Variants in TMEM232 observed in about 807,000 individuals in gnomAD.
TMEM232 encodes the protein transmembrane protein 232.
A neutral mutation model predicts 78.8 loss-of-function variants in TMEM232; 80 were observed. The observed-to-expected ratio is 1.01, with a 90% confidence interval of 0.85 to 1.22. The LOEUF (loss-of-function observed/expected upper bound fraction) is 1.22. Ranked by LOEUF, TMEM232 falls within the 50% of genes most tolerant of loss-of-function variation. The probability of loss-of-function intolerance (pLI) is 0.00; values close to 1 mark genes in which losing one functional copy is unlikely to be tolerated. For missense variants in TMEM232, 881 were observed against 742.2 expected (o/e 1.19, Z -2.17); for synonymous variants, 297 against 254.3 (o/e 1.17, Z -1.60).
chr5:110,620,201 T>A (rs1783454254), intron 7 of TMEM232, among the ~76,000 whole-genome samples: 1 of 152,142 alleles, frequency 6.6e-6, no homozygotes. Flanking sequence ...ATAAAAAGCA[T>A]CCTCTCATGT....
intron 8 of TMEM232, among the ~76,000 whole-genome samples, chr5:110,607,290 G>A (rs1176212258): frequency 6.6e-6 from 1 of 151,902 alleles, no homozygotes. Flanking sequence ...ACTTGTCCAA[G>A]TTCCCTTTTT....
At chr5:110,605,083 A>C in intron 10 of TMEM232, 26 bp downstream of exon 10, 1 of 1,505,430 alleles carries the variant, frequency 6.6e-7, no homozygotes, top group South Asian at 1.3e-5. Context: ...AATATTACTC[A>C]TCAAAGTAAA....
intron 5 of TMEM232, among the ~76,000 whole-genome samples, chr5:110,628,734 T>TCATGTAATGATATA (rs917102389): frequency 7.9e-5 from 12 of 151,246 alleles, no homozygotes. Context: ...ATGCAGGGTA[T>TCATGTAATGATATA]CATGTAATGA....
At chr5:110,700,346 A>T (rs556769943) in intron 1 of TMEM232, among the ~76,000 whole-genome samples, 1 of 152,180 alleles carries the variant, frequency 6.6e-6, no homozygotes, top group African/African-American at 2.4e-5. Context: ...TTGGATGAGC[A>T]ATTGGCCAAT....
chr5:110,528,620 A>T lies in TMEM232; in HGVS notation c.1671T>A (p.Ser557=). The part of the protein sequence containing the change: ...QTKYPNKKLE[S]VKKQVLHFTV... ...TGAAATGTAGAACTTGCTTTTTCAC[A>T]GACTCCAGCTTTTTATTTGGATATT... Residue 557 remains serine, a synonymous_variant, in exon 12 of 14, where the codon TCT becomes TCA. Transcript: ENST00000455884. 1.3e-6 allele frequency: 2 copies of T among 1,531,282 alleles called. No individual in the cohort carries two copies. The highest frequency in any genetic ancestry group is 1.7e-6 in the Non-Finnish European group (2 of 1,144,516). The allele number at this position is 1,531,282 out of a possible 1,614,324, so 94.9% of individuals were successfully genotyped here.
At chr5:110,399,856 C>T (rs1755529172) in intron 2 of TMEM232, among the ~76,000 whole-genome samples, 1 of 152,096 alleles carries the variant, frequency 6.6e-6, no homozygotes. Flanking sequence ...ATTCTAAAGC[C>T]ACTACTGAAT....
rs1764214407 is a variant in TMEM232 at position 110,484,170 on chromosome 5, G to A, written c.1703+44418C>T. On this transcript the variant is annotated intron_variant, in intron 12 of 13. Transcript: ENST00000455884. ...ATACTGGAGATTACTGGGGGGAAGG[G>A]GACTGAGTGTTGAAAAACTAATGAT... is the stretch of plus-strand genomic sequence containing the variant. 2.0e-5 allele frequency among the ~76,000 whole-genome samples: 3 copies of A among 152,048 alleles called. No individual in the cohort carries two copies. The South Asian group carries it at 6.2e-4, about 32-fold the overall frequency.
intron 12 of TMEM232, among the ~76,000 whole-genome samples, chr5:110,431,649 T>G (rs557333297): frequency 6.6e-6 from 1 of 151,760 alleles, no homozygotes; most frequent in South Asian, 2.1e-4. Flanking sequence ...TTTAAATAAA[T>G]AGCCAGGTGA....
intron 1 of TMEM232, among the ~76,000 whole-genome samples, chr5:110,707,263 C>G (rs1796014625): frequency 6.6e-6 from 1 of 152,146 alleles, no homozygotes; most frequent in South Asian, 2.1e-4. Flanking sequence ...GTCAGAGAGA[C>G]AGTCATGAAT....
At chr5:110,707,681 C>T (rs1796069531) in intron 1 of TMEM232, among the ~76,000 whole-genome samples, 2 of 152,196 alleles carry the variant, frequency 1.3e-5, no homozygotes, top group African/African-American at 2.4e-5. Context: ...ACAACCAGGG[C>T]AGCTAAAAGG....
chr5:110,656,570 T>C (rs2150082898), intron 2 of TMEM232, among the ~76,000 whole-genome samples: 1 of 152,318 alleles, frequency 6.6e-6, no homozygotes, highest in East Asian at 1.9e-4. Flanking sequence ...CCAGGCACAG[T>C]GGCTCACGCC....
At chr5:110,708,921 TA>T (rs1411530537) in intron 1 of TMEM232, among the ~76,000 whole-genome samples, 2 of 150,282 alleles carry the variant, frequency 1.3e-5, no homozygotes, top group South Asian at 2.1e-4. Flanking sequence ...AACTCTTCAA[TA>T]AAAAAAAATA....
chr5:110,691,083 G>A (rs989829768), intron 1 of TMEM232, among the ~76,000 whole-genome samples: 9 of 149,060 alleles, frequency 6.0e-5, no homozygotes, highest in Admixed American at 3.4e-4. Context: ...ACCATGACAC[G>A]TGCATACCTA....
chr5:110,515,533 A>C (rs72788442), intron 12 of TMEM232, among the ~76,000 whole-genome samples: 22,454 of 152,132 alleles, frequency 0.15, 2,040 homozygotes, highest in African/African-American at 0.25. Flanking sequence ...GTCAGGCACT[A>C]TCCCTTTGAA....
At chr5:110,581,190 A>C (rs1489531555) in intron 10 of TMEM232, among the ~76,000 whole-genome samples, 2 of 152,060 alleles carry the variant, frequency 1.3e-5, no homozygotes, top group East Asian at 3.9e-4. Context: ...TGAAATTGAA[A>C]AATAGCCCAA....
At chr5:110,604,570 G>T (rs1054823391) in intron 10 of TMEM232, among the ~76,000 whole-genome samples, 4 of 152,048 alleles carry the variant, frequency 2.6e-5, no homozygotes, top group Admixed American at 2.6e-4. Flanking sequence ...CACCACCCAG[G>T]TTTGCCTAAA....
At chr5:110,491,289 T>C (rs779632205) in intron 12 of TMEM232, among the ~76,000 whole-genome samples, 74 of 152,216 alleles carry the variant, frequency 4.9e-4, no homozygotes, top group Non-Finnish European at 3.8e-4. Context: ...CACATTCTTT[T>C]TGGTAGCTTT....
At chr5:110,609,802 G>A (rs1326744126) in intron 8 of TMEM232, among the ~76,000 whole-genome samples, 1 of 151,972 alleles carries the variant, frequency 6.6e-6, no homozygotes, top group Non-Finnish European at 1.5e-5. Flanking sequence ...TATTTCTCCT[G>A]GTTCTAGAAT....
chr5:110,408,554 C>T (rs1034838056), intron 2 of TMEM232, among the ~76,000 whole-genome samples: 1 of 151,938 alleles, frequency 6.6e-6, no homozygotes, highest in African/African-American at 2.4e-5. Context: ...GCTGTGTCTG[C>T]ACTCCAGCCC....
Sources: allele counts gnomAD v4.1 joint callset (sites outside exome capture counted in the v4.1 genomes callset), GRCh38; gene constraint gnomAD v4.1.1; transcripts MANE v1.5; gene names NCBI Gene and HGNC (gene_info 2026-07-23, HGNC 2026-07-21).